HS3ST4: variants seen among roughly 807,000 people sequenced by gnomAD.
HS3ST4 encodes heparan sulfate glucosamine 3-O-sulfotransferase 4.
Under a neutral mutation model 29.2 loss-of-function variants are expected in HS3ST4, and 17 were observed. The ratio of observed to expected loss-of-function variants is 0.58; its 90% CI spans 0.40 to 0.87. The LOEUF is 0.87. Ranked by LOEUF, HS3ST4 falls within the 40% of genes least tolerant of loss-of-function variation. The pLI is 0.00. For missense variants in HS3ST4, 627 were observed against 634.5 expected (o/e 0.99, Z 0.13); for synonymous variants, 314 against 285.7 (o/e 1.10, Z -1.00).
intron 1 of HS3ST4, among the ~76,000 whole-genome samples, chr16:25,848,426 C>T (rs775747390): frequency 5.3e-5 from 8 of 151,946 alleles, no homozygotes; most frequent in East Asian, 1.9e-4. Context: ...AGGAGTGAAC[C>T]GCTGTGCCCA....
chr16:26,125,899 G>A (rs1034029196), intron 1 of HS3ST4, among the ~76,000 whole-genome samples: 11 of 152,192 alleles, frequency 7.2e-5, no homozygotes, highest in Non-Finnish European at 1.6e-4. Flanking sequence ...GTCATTGTCA[G>A]TTCAAATTAT....
At chr16:25,807,827 A>G (rs1285840461) in intron 1 of HS3ST4, among the ~76,000 whole-genome samples, 1 of 152,124 alleles carries the variant, frequency 6.6e-6, no homozygotes, top group African/African-American at 2.4e-5. Flanking sequence ...CATTATTTTT[A>G]ATATTAACCA....
At chr16:25,900,264 C>T (rs1968109133) in intron 1 of HS3ST4, among the ~76,000 whole-genome samples, 1 of 152,052 alleles carries the variant, frequency 6.6e-6, no homozygotes, top group African/African-American at 2.4e-5. Flanking sequence ...AGCTTGGATC[C>T]TTAATCCCTA....
At chr16:26,030,754 G>A (rs1969524056) in intron 1 of HS3ST4, among the ~76,000 whole-genome samples, 1 of 152,158 alleles carries the variant, frequency 6.6e-6, no homozygotes, top group African/African-American at 2.4e-5. Flanking sequence ...AATAAATATG[G>A]TCTTGGGTCC....
chr16:25,702,543 TC>T (rs1352161124), intron 1 of HS3ST4, among the ~76,000 whole-genome samples: 3 of 152,180 alleles, frequency 2.0e-5, no homozygotes, highest in Non-Finnish European at 4.4e-5. Flanking sequence ...TCCTTCCTCC[TC>T]CCCTTTCCTG....
chr16:25,764,439 T>C lies in HS3ST4; in HGVS notation c.734+71288T>C, dbSNP rs1043297578. ...AGCCAGGACATATCCAAGCTTAGAT[T>C]TGAACCTCACCCTGTGTGTGTGTGT... On this transcript the variant is annotated intron_variant, in intron 1 of 1. Coordinates refer to ENST00000331351, the MANE Select transcript of HS3ST4 (RefSeq NM_006040.3). Among the ~76,000 whole-genome samples, 26 of 152,300 alleles carry C rather than the reference T, an allele frequency of 1.7e-4. No homozygotes were observed. In the South Asian group the frequency reaches 3.3e-3, roughly 19 times the overall value.
intron 1 of HS3ST4, among the ~76,000 whole-genome samples, chr16:25,734,497 C>T (rs774351203): frequency 1.3e-5 from 2 of 152,174 alleles, no homozygotes; most frequent in Non-Finnish European, 2.9e-5. Context: ...CCAGGGTTGT[C>T]TACCATAAAT....
chr16:25,975,271 T>G (rs1215116861), intron 1 of HS3ST4, among the ~76,000 whole-genome samples: 1 of 131,842 alleles, frequency 7.6e-6, no homozygotes, highest in African/African-American at 2.8e-5. Context: ...AAGGGAACAA[T>G]GGACACTGGA....
chr16:25,777,414 T>A (rs1413966253), intron 1 of HS3ST4, among the ~76,000 whole-genome samples: 1 of 44,564 alleles, frequency 2.2e-5, no homozygotes, highest in African/African-American at 1.6e-4. Context: ...CACACCAAAG[T>A]GTGTGTGTGT....
chr16:26,031,704 GTTT>G (rs202095804), intron 1 of HS3ST4, among the ~76,000 whole-genome samples: 1 of 141,904 alleles, frequency 7.0e-6, no homozygotes. Context: ...ATGGAGGCGT[GTTT>G]TTTTTTTTTT....
chr16:25,874,131 T>G (rs1324381118), intron 1 of HS3ST4, among the ~76,000 whole-genome samples: 1 of 152,184 alleles, frequency 6.6e-6, no homozygotes, highest in Non-Finnish European at 1.5e-5. Flanking sequence ...GGGCATATTG[T>G]CTAATTTACT....
intron 1 of HS3ST4, chr16:25,825,351 T>C (rs1967204370): frequency 1.3e-5 from 2 of 152,248 alleles, no homozygotes. Flanking sequence ...TACTTTGCTA[T>C]GGCAAACTTA....
At chr16:25,918,510 G>A (rs114005234) in intron 1 of HS3ST4, among the ~76,000 whole-genome samples, 314 of 152,364 alleles carry the variant, frequency 2.1e-3, no homozygotes, top group African/African-American at 7.3e-3. Flanking sequence ...CTCCAAAGGA[G>A]CATGTAGCAT....
chr16:26,094,281 T>A (rs1184584318), intron 1 of HS3ST4, among the ~76,000 whole-genome samples: 2 of 152,076 alleles, frequency 1.3e-5, no homozygotes, highest in East Asian at 3.9e-4. Flanking sequence ...AAGATACTCC[T>A]CGAGAAGAGC....
intron 1 of HS3ST4, among the ~76,000 whole-genome samples, chr16:25,909,826 C>T (rs1326995222): frequency 6.6e-6 from 1 of 152,112 alleles, no homozygotes. Context: ...GCTCAGATAT[C>T]AAGATTCTAA....
chr16:26,128,483 T>C (rs1490394476), intron 1 of HS3ST4, among the ~76,000 whole-genome samples: 1 of 152,214 alleles, frequency 6.6e-6, no homozygotes, highest in Non-Finnish European at 1.5e-5. Context: ...GATTCCTTCT[T>C]TCTTGGCTGC....
intron 1 of HS3ST4, among the ~76,000 whole-genome samples, chr16:26,088,281 T>C (rs986263356): frequency 7.2e-5 from 11 of 152,240 alleles, no homozygotes; most frequent in African/African-American, 2.7e-4. Context: ...GTCTTCCCAG[T>C]CCTCCCAGGG....
chr16:25,851,717 G>A (rs1449179635), intron 1 of HS3ST4, among the ~76,000 whole-genome samples: 6 of 152,064 alleles, frequency 3.9e-5, no homozygotes, highest in Middle Eastern at 6.3e-3. Context: ...TGGGGCAGGC[G>A]GGGGCATGTC....
intron 1 of HS3ST4, among the ~76,000 whole-genome samples, chr16:25,953,683 G>A (rs1285406726): frequency 1.3e-5 from 2 of 152,186 alleles, no homozygotes; most frequent in Admixed American, 1.3e-4. Flanking sequence ...TCTAGAGTTT[G>A]AGAGCAAGTG....
Sources: gnomAD v4.1 joint callset for allele counts (sites outside exome capture counted in the v4.1 genomes callset) on GRCh38, gnomAD v4.1.1 for gene constraint, MANE v1.5 for transcripts, NCBI Gene and HGNC (gene_info 2026-07-23, HGNC 2026-07-21) for gene names.